Variants in PAK6 observed in about 807,000 individuals in gnomAD.
The protein encoded by PAK6 is p21 (RAC1) activated kinase 6.
Under a neutral mutation model 60.8 loss-of-function variants are expected in PAK6, and 33 were observed. The observed-to-expected ratio is 0.54, with a 90% CI of 0.41 to 0.73. PAK6 has a LOEUF of 0.73. Ranked by LOEUF, PAK6 falls within the 30% of genes least tolerant of loss-of-function variation. The pLI, the probability that PAK6 is intolerant of heterozygous loss-of-function variation, is 0.00. For synonymous variants in PAK6, 404 were observed against 378.5 expected, an observed-to-expected ratio of 1.07 and a Z score of -0.78; for missense variants, 845 against 904.1, an observed-to-expected ratio of 0.93 and a Z score of 0.84.
chr15:40,266,495 G>A (rs1478888396), exon 5 of PAK6: 6 of 1,595,280 alleles, frequency 3.8e-6, no homozygotes, highest in South Asian at 2.3e-5. Flanking sequence ...CACAGAGCAA[G>A]GTAAGTCAGG....
rs150568362 is a variant in PAK6, at chr15:40,256,515, G to T, written c.-6+3226G>T. Among the ~76,000 whole-genome samples, 988 of 152,328 alleles carry T rather than the reference G, an allele frequency of 6.5e-3. 8 individuals carry two copies. Among genetic ancestry groups the T allele is most frequent in the South Asian group, 0.023 (111 of 4,824 alleles). On this transcript the variant is annotated intron_variant, in intron 3 of 10. Transcript: ENST00000560346. ...CTGACAGGTTGGTGATGGTAGTAGA[G>T]TGCTTTCCTAAGTTTTGTAGCACTC...
chr15:40,261,276 T>C (rs925088092), intron 3 of PAK6, among the ~76,000 whole-genome samples: 1 of 150,824 alleles, frequency 6.6e-6, no homozygotes, highest in Non-Finnish European at 1.5e-5. Flanking sequence ...CGGTGGCTCA[T>C]GCCTGTAATC....
intron 3 of PAK6, 27 bp from the exon 4 acceptor site, chr15:40,264,754 G>A: frequency 6.2e-7 from 1 of 1,606,280 alleles, no homozygotes; most frequent in East Asian, 2.2e-5. Flanking sequence ...TCCCGGGAGG[G>A]AGCTCAACCT....
chr15:40,270,760 A>G (rs987397945), intron 5 of PAK6, among the ~76,000 whole-genome samples: 9 of 152,236 alleles, frequency 5.9e-5, no homozygotes, highest in African/African-American at 2.2e-4. Flanking sequence ...AAGGTCAAGC[A>G]CACACTCGGG....
chr15:40,256,582 C>T (rs1304223477), intron 3 of PAK6, among the ~76,000 whole-genome samples: 3 of 152,112 alleles, frequency 2.0e-5, no homozygotes, highest in Admixed American at 6.5e-5. Flanking sequence ...TAGGATAGGC[C>T]CTTCCCCAGA....
intron 3 of PAK6, chr15:40,256,842 G>A (rs1168997798): frequency 2.0e-5 from 3 of 152,254 alleles, no homozygotes; most frequent in Non-Finnish European, 2.9e-5. Context: ...TCTTATGCTA[G>A]GCTCTTCCTG....
exon 5 of PAK6, chr15:40,266,039 G>C: frequency 1.2e-6 from 2 of 1,606,708 alleles, no homozygotes; most frequent in South Asian, 2.2e-5. Flanking sequence ...AGAGCCCCCA[G>C]TCTGAGCGCA....
At chr15:40,263,286 T>G (rs1239704745) in intron 3 of PAK6, among the ~76,000 whole-genome samples, 1 of 152,238 alleles carries the variant, frequency 6.6e-6, no homozygotes, top group Non-Finnish European at 1.5e-5. Context: ...CATGTTTCAG[T>G]TTCTTGAAGC....
intron 3 of PAK6, chr15:40,263,814 A>G (rs1325755156): frequency 6.9e-6 from 3 of 433,494 alleles, no homozygotes; most frequent in African/African-American, 6.1e-5. Context: ...ACAGGTTTTC[A>G]CCATGTTGGC....
chr15:40,262,170 G>A (rs1158588977), intron 3 of PAK6, among the ~76,000 whole-genome samples: 1 of 152,192 alleles, frequency 6.6e-6, no homozygotes, highest in African/African-American at 2.4e-5. Context: ...CTAATCCAGG[G>A]ATAGCAGGTC....
exon 5 of PAK6, chr15:40,266,288 G>T: frequency 6.2e-7 from 1 of 1,611,626 alleles, no homozygotes. Context: ...GGCATGGAAT[G>T]AAGGCTGCCA....
intron 3 of PAK6, chr15:40,264,484 A>G (rs7162809): frequency 0.85 from 461,341 of 542,688 alleles, 197,724 homozygotes; most frequent in Admixed American, 0.92. Flanking sequence ...ATTTTATAAA[A>G]ACACACCCCC....
chr15:40,267,650 G>A (rs559142960), intron 5 of PAK6, among the ~76,000 whole-genome samples: 2 of 152,184 alleles, frequency 1.3e-5, no homozygotes, highest in East Asian at 1.9e-4. Context: ...CAGACAGAGC[G>A]AGACTCCGTC....
chr15:40,272,998 A>C (rs2039353874), exon 7 of PAK6: 1 of 1,613,446 alleles, frequency 6.2e-7, no homozygotes, highest in Non-Finnish European at 8.5e-7. Flanking sequence ...CTCCCAAGTC[A>C]GGTGGGCAGC....
chr15:40,273,278 C>T (rs1321961678), intron 7 of PAK6, 68 bp from the exon 8 acceptor site: 1 of 1,570,422 alleles, frequency 6.4e-7, no homozygotes, highest in Non-Finnish European at 8.7e-7. Flanking sequence ...TCCTACTCTG[C>T]TCAGCCACCC....
At chr15:40,271,106 G>A (rs973125123) in intron 5 of PAK6, among the ~76,000 whole-genome samples, 2 of 152,206 alleles carry the variant, frequency 1.3e-5, no homozygotes, top group Non-Finnish European at 2.9e-5. Flanking sequence ...GTTTGGAGAA[G>A]TTCCTAGAAG....
At chr15:40,253,397 CTGGTACTGCTAGGCAGCGGAG>C (rs1353693668) in intron 3 of PAK6, 108 bp downstream of exon 3, 1 of 399,638 alleles carries the variant, frequency 2.5e-6, no homozygotes, top group Non-Finnish European at 5.0e-6. Context: ...TGGCTCCTTC[CTGGTACTGCTAGGCAGCGGAG>C]GTGGTCCCTT....
intron 2 of PAK6, among the ~76,000 whole-genome samples, chr15:40,249,640 T>C (rs986881939): frequency 6.6e-6 from 1 of 152,244 alleles, no homozygotes; most frequent in African/African-American, 2.4e-5. Context: ...TTTCAAGTCA[T>C]GGAGCAGAAA....
chr15:40,252,196 G>A, intron 2 of PAK6: 1 of 1,066,274 alleles, frequency 9.4e-7, no homozygotes, highest in Non-Finnish European at 1.2e-6. Flanking sequence ...GGGCACACGC[G>A]GCCCGCTCAG....
Sources: allele counts gnomAD v4.1 joint callset (sites outside exome capture counted in the v4.1 genomes callset), GRCh38; gene constraint gnomAD v4.1.1; transcripts MANE v1.5; gene names NCBI Gene and HGNC (gene_info 2026-07-23, HGNC 2026-07-21).